Variants in KAZN observed in about 807,000 individuals in gnomAD.
KAZN encodes kazrin, periplakin interacting protein.
In KAZN, 40 loss-of-function variants were observed where a neutral mutation model predicts 87.4. The observed-to-expected ratio is 0.46, with a 90% CI of 0.36 to 0.60. The LOEUF is 0.60. Ranked by LOEUF, KAZN falls within the 20% of genes least tolerant of loss-of-function variation. KAZN has a pLI of 0.00. For missense variants in KAZN, 898 were observed against 1,073.9 expected, an observed-to-expected ratio of 0.84 and a Z score of 2.29; for synonymous variants, 466 against 458.3, an observed-to-expected ratio of 1.02 and a Z score of -0.22.
intron 1 of KAZN, among the ~76,000 whole-genome samples, chr1:14,717,726 CT>C (rs1642868248): frequency 6.6e-6 from 1 of 152,144 alleles, no homozygotes; most frequent in African/African-American, 2.4e-5. Context: ...CAAGAGGCCC[CT>C]GGGGCTGACA....
intron 1 of KAZN, among the ~76,000 whole-genome samples, chr1:14,154,969 C>CCTTCCTTCCTTCCTTT (rs1645559830): frequency 6.6e-6 from 1 of 150,928 alleles, no homozygotes; most frequent in African/African-American, 2.5e-5. Flanking sequence ...TTCCTTCCTT[C>CCTTCCTTCCTTCCTTT]CTTCCTTCCT....
At chr1:14,138,643 G>A (rs540220628) in intron 1 of KAZN, among the ~76,000 whole-genome samples, 2 of 152,280 alleles carry the variant, frequency 1.3e-5, no homozygotes, top group Admixed American at 6.5e-5. Context: ...GAAGATATCA[G>A]GTAGGCAATG....
chr1:14,241,263 A>T (rs749309516), intron 2 of KAZN, among the ~76,000 whole-genome samples: 12 of 152,204 alleles, frequency 7.9e-5, no homozygotes, highest in Non-Finnish European at 1.5e-4. Flanking sequence ...CTGAACTAGA[A>T]CCCAGGACTC....
intron 4 of KAZN, among the ~76,000 whole-genome samples, chr1:15,051,568 TACCCTGG>T (rs767316669): frequency 4.6e-5 from 7 of 152,204 alleles, no homozygotes; most frequent in Non-Finnish European, 8.8e-5. Flanking sequence ...TGGGTATTTT[TACCCTGG>T]ACCAAGCACT....
chr1:14,201,141 A>G (rs1163970919), intron 2 of KAZN, among the ~76,000 whole-genome samples: 1 of 152,206 alleles, frequency 6.6e-6, no homozygotes. Flanking sequence ...ATCTCCACTG[A>G]TAATGGTTCT....
At chr1:14,720,544 C>T (rs1280173204) in intron 1 of KAZN, among the ~76,000 whole-genome samples, 1 of 152,178 alleles carries the variant, frequency 6.6e-6, no homozygotes, top group African/African-American at 2.4e-5. Context: ...CTCGCTCTGA[C>T]AAACCATCTT....
At chr1:14,327,563 G>GAGTCTAATT (rs1237318758) in intron 2 of KAZN, among the ~76,000 whole-genome samples, 15 of 152,154 alleles carry the variant, frequency 9.9e-5, no homozygotes, top group Admixed American at 8.5e-4. Context: ...TCAATGCCTA[G>GAGTCTAATT]AGTCTAATTA....
At chr1:14,130,919 T>C (rs1644979421) in intron 1 of KAZN, among the ~76,000 whole-genome samples, 1 of 152,312 alleles carries the variant, frequency 6.6e-6, no homozygotes, top group Admixed American at 6.5e-5. Context: ...TGTTTAATAC[T>C]ATGCAAGCAG....
chr1:14,713,327 A>T (rs1391206050), intron 1 of KAZN, among the ~76,000 whole-genome samples: 1 of 152,178 alleles, frequency 6.6e-6, no homozygotes, highest in East Asian at 1.9e-4. Flanking sequence ...GGTGTGAAGA[A>T]CTGGGGGCCT....
At chr1:14,578,143 C>T (rs561981417) in intron 2 of KAZN, among the ~76,000 whole-genome samples, 11 of 152,158 alleles carry the variant, frequency 7.2e-5, no homozygotes, top group African/African-American at 2.6e-4. Flanking sequence ...TGCTATTATT[C>T]GTATAGAATA....
intron 2 of KAZN, among the ~76,000 whole-genome samples, chr1:14,570,848 A>C (rs1446105006): frequency 6.6e-6 from 1 of 152,190 alleles, no homozygotes; most frequent in Admixed American, 6.5e-5. Context: ...TCGCACCAGC[A>C]ATACGGGAAA....
intron 1 of KAZN, among the ~76,000 whole-genome samples, chr1:14,075,144 T>TG (rs976145690): frequency 1.4e-4 from 21 of 152,212 alleles, no homozygotes; most frequent in Non-Finnish European, 2.6e-4. Flanking sequence ...GGTTGTATAA[T>TG]GGGGAATTTG....
intron 1 of KAZN, among the ~76,000 whole-genome samples, chr1:14,702,946 C>T (rs965707572): frequency 3.3e-5 from 5 of 152,262 alleles, no homozygotes; most frequent in Middle Eastern, 3.4e-3. Flanking sequence ...TTTTGGCTTA[C>T]GATGTTCTAG....
intron 2 of KAZN, among the ~76,000 whole-genome samples, chr1:15,001,697 C>T (rs7517787): frequency 0.17 from 25,250 of 151,806 alleles, 2,343 homozygotes; most frequent in East Asian, 0.34. Flanking sequence ...CCTTCAACTG[C>T]TGGAGTGCTC....
At chr1:14,228,481 G>A (rs557346966) in intron 2 of KAZN, among the ~76,000 whole-genome samples, 1 of 152,224 alleles carries the variant, frequency 6.6e-6, no homozygotes, top group Admixed American at 6.5e-5. Context: ...GGGGATAGAA[G>A]CAGTGTTCTG....
In KAZN at chr1:15,049,476, T is replaced by C. The variant is rs377328836; in HGVS notation, c.726+5317T>C. Among the ~76,000 whole-genome samples the C allele has an allele frequency of 5.4e-3, 805 of 150,324 alleles. 4 individuals carry two copies. The highest frequency in any genetic ancestry group is 0.042 in the South Asian group (192 of 4,624). ...CCCACCAGATGCCAGCAGCACCCCC[T>C]CCACCCCAGCCCCCCAGTGTCACAG... On this transcript the variant is annotated intron_variant, in intron 4 of 14. Coordinates refer to ENST00000376030, the MANE Select transcript of KAZN (RefSeq NM_201628.3).
At chr1:14,524,302 A>G (rs1671752171) in intron 2 of KAZN, among the ~76,000 whole-genome samples, 1 of 152,076 alleles carries the variant, frequency 6.6e-6, no homozygotes, top group Admixed American at 6.6e-5. Context: ...GATTATAGGC[A>G]TGAGCCACCG....
chr1:14,018,682 T>C (rs1640683354), intron 1 of KAZN, among the ~76,000 whole-genome samples: 1 of 152,104 alleles, frequency 6.6e-6, no homozygotes, highest in African/African-American at 2.4e-5. Flanking sequence ...AGAACAAAAA[T>C]GCAGAGGAAA....
chr1:14,325,996 A>G (rs933470163), intron 2 of KAZN, among the ~76,000 whole-genome samples: 2 of 152,118 alleles, frequency 1.3e-5, no homozygotes, highest in African/African-American at 2.4e-5. Flanking sequence ...CCACAGGTGA[A>G]TGCACCTGTC....
Sources: allele counts gnomAD v4.1 joint callset (sites outside exome capture counted in the v4.1 genomes callset), GRCh38; gene constraint gnomAD v4.1.1; transcripts MANE v1.5; gene names NCBI Gene and HGNC (gene_info 2026-07-23, HGNC 2026-07-21).